COL24A1: variants seen among roughly 807,000 people sequenced by gnomAD.
COL24A1 encodes collagen alpha-1(XXIV) chain.
COL24A1 carries 224 observed loss-of-function variants against 253.9 expected under a neutral mutation model. The ratio of observed to expected loss-of-function variants is 0.88; its 90% CI spans 0.79 to 0.99. The LOEUF (loss-of-function observed/expected upper bound fraction) is 0.99. COL24A1 is among the 50% of genes least tolerant of loss of function. The pLI is 0.00. For missense variants in COL24A1, 2,131 were observed against 2,068.5 expected, an observed-to-expected ratio of 1.03 and a Z score of -0.59; for synonymous variants, 685 against 673.7, an observed-to-expected ratio of 1.02 and a Z score of -0.26.
chr1:85,962,142 A>G (rs1346192960), intron 23 of COL24A1, among the ~76,000 whole-genome samples: 2 of 152,150 alleles, frequency 1.3e-5, no homozygotes, highest in Non-Finnish European at 2.9e-5. Flanking sequence ...GGGATGTTCT[A>G]TTTGCTCAAA....
At chr1:86,149,488 T>C (rs1178735615) in intron 1 of COL24A1, among the ~76,000 whole-genome samples, 2 of 152,204 alleles carry the variant, frequency 1.3e-5, no homozygotes, top group African/African-American at 4.8e-5. Flanking sequence ...TACTTAGGAT[T>C]ACAGTCAATG....
intron 5 of COL24A1, among the ~76,000 whole-genome samples, chr1:86,092,954 A>G (rs1253164248): frequency 6.6e-6 from 1 of 152,040 alleles, no homozygotes; most frequent in African/African-American, 2.4e-5. Context: ...AAATATTTTT[A>G]TGATGCATAG....
At chr1:85,840,515 A>G (rs1676488949) in intron 42 of COL24A1, among the ~76,000 whole-genome samples, 1 of 152,142 alleles carries the variant, frequency 6.6e-6, no homozygotes, top group African/African-American at 2.4e-5. Flanking sequence ...GTGCCTTAAG[A>G]TTGTTTTACT....
rs1700197173 is a variant in COL24A1 at position 86,050,140 on chromosome 1, C to T, written c.1889G>A (p.Gly630Glu). 1.2e-6 allele frequency: 2 copies of T among 1,613,308 alleles called. No homozygotes were observed. Among genetic ancestry groups the T allele is most frequent in the South Asian group, 1.1e-5 (1 of 91,026 alleles). The change falls in exon 11 of 60, where the codon GGA (glycine) becomes GAA (glutamate). Residue 630 changes from glycine to glutamate, a missense_variant. Transcript: ENST00000370571. ...IGSPGEAGQL[G>E]PEGERGIPGI... ...TGGACTTACCCGTTCTCCTTCAGGT[C>T]CCAGTTGTCCCGCTTCTCCAGGAGA...
rs760098251 is a variant in COL24A1, at chr1:86,017,219, G to C, written c.2257-15C>G. The stretch of plus-strand genomic sequence containing the variant: ...CCTGTTTGGCCCTAAAATGGGGGGG[G>C]AGGATCAAAGTATAAACATAAACTT... On this transcript the variant is annotated splice_polypyrimidine_tract_variant and intron_variant, in intron 18 of 59. Coordinates refer to ENST00000370571, the MANE Select transcript of COL24A1 (RefSeq NM_152890.7). 1 of 1,551,242 alleles carries C rather than the reference G, an allele frequency of 6.4e-7. No individual in the cohort carries two copies. Among genetic ancestry groups the C allele is most frequent in the African/African-American group, 1.4e-5 (1 of 69,466 alleles).
At chr1:85,896,619 C>G (rs1282709984) in intron 28 of COL24A1, among the ~76,000 whole-genome samples, 1 of 152,016 alleles carries the variant, frequency 6.6e-6, no homozygotes, top group Non-Finnish European at 1.5e-5. Flanking sequence ...CTCAGCCTCC[C>G]CCTGAGTAGC....
chr1:85,884,697 G>T (rs1014190165), intron 32 of COL24A1, among the ~76,000 whole-genome samples: 1 of 152,144 alleles, frequency 6.6e-6, no homozygotes, highest in Non-Finnish European at 1.5e-5. Context: ...TTTCCCAAAG[G>T]TCAGTTAGTC....
intron 20 of COL24A1, among the ~76,000 whole-genome samples, chr1:85,978,129 A>T (rs1335039701): frequency 6.6e-6 from 1 of 152,208 alleles, no homozygotes; most frequent in Non-Finnish European, 1.5e-5. Context: ...CAGCAAAATT[A>T]AGCTTCATAA....
chr1:85,838,509 T>A, intron 43 of COL24A1, 76 bp downstream of exon 43: 1 of 1,299,698 alleles, frequency 7.7e-7, no homozygotes, highest in Admixed American at 1.7e-5. Context: ...ATCTCAATAA[T>A]GGAATGGAAA....
chr1:86,041,494 G>A (rs1231630878), intron 12 of COL24A1, among the ~76,000 whole-genome samples: 2 of 152,066 alleles, frequency 1.3e-5, no homozygotes, highest in Admixed American at 6.6e-5. Context: ...CAAGCTGAGA[G>A]CTCTGTAAAT....
At chr1:86,033,775 T>G in intron 13 of COL24A1, 95 bp downstream of exon 13, 2 of 1,127,638 alleles carry the variant, frequency 1.8e-6, no homozygotes. Context: ...TCCAATAGTG[T>G]TTATTCACAA....
chr1:85,925,464 C>T (rs1369798999), intron 24 of COL24A1, among the ~76,000 whole-genome samples: 3 of 152,072 alleles, frequency 2.0e-5, no homozygotes, highest in African/African-American at 7.3e-5. Context: ...GGTACTGTTA[C>T]CAAAACAGAG....
chr1:85,742,055 G>A (rs1282847151), intron 57 of COL24A1, among the ~76,000 whole-genome samples: 1 of 151,640 alleles, frequency 6.6e-6, no homozygotes, highest in Non-Finnish European at 1.5e-5. Flanking sequence ...TCTTAGTTTT[G>A]TTTGCTAGTT....
chr1:85,818,737 T>C (rs895419452), intron 45 of COL24A1, among the ~76,000 whole-genome samples: 4 of 152,222 alleles, frequency 2.6e-5, no homozygotes, highest in Admixed American at 6.5e-5. Context: ...TCTGATGACA[T>C]TCTAAAAGTA....
intron 8 of COL24A1, among the ~76,000 whole-genome samples, chr1:86,060,203 ACT>A (rs1158529560): frequency 2.6e-5 from 4 of 151,928 alleles, no homozygotes; most frequent in African/African-American, 9.7e-5. Flanking sequence ...TTTAAAAAAG[ACT>A]CTTTTTCATT....
Position 85,744,719 on chromosome 1 carries a change from T to G in COL24A1, c.4619A>C (p.Asn1540Thr). The G allele has an allele frequency of 6.2e-7, 1 of 1,609,802 alleles. No homozygotes were observed. Among genetic ancestry groups the G allele is most frequent in the East Asian group, 2.2e-5 (1 of 44,816 alleles). ...SIKNPLGTRD[N>T]PARICKDLLN... The stretch of plus-strand genomic sequence containing the variant: ...TAAATCTTTGCAGATTCGTGCTGGG[T>G]TATCTCGTGTGCCAAGAGGATTCTT... Residue 1540 changes from asparagine (N) to threonine (T), a missense_variant, in exon 57 of 60, where the codon AAC becomes ACC. Transcript: ENST00000370571.
chr1:86,018,132 G>C (rs747280367), intron 18 of COL24A1, among the ~76,000 whole-genome samples: 1 of 152,162 alleles, frequency 6.6e-6, no homozygotes, highest in Non-Finnish European at 1.5e-5. Flanking sequence ...CATTATTTCT[G>C]TCATATTAAG....
At chr1:86,038,443 C>T (rs1442287023) in intron 12 of COL24A1, among the ~76,000 whole-genome samples, 1 of 152,060 alleles carries the variant, frequency 6.6e-6, no homozygotes, top group African/African-American at 2.4e-5. Context: ...ACTTAAAAAC[C>T]TTCATGGCAT....
intron 7 of COL24A1, among the ~76,000 whole-genome samples, chr1:86,067,191 G>A (rs553983361): frequency 1.8e-4 from 27 of 152,052 alleles, no homozygotes; most frequent in African/African-American, 5.3e-4. Flanking sequence ...GACATAGGAA[G>A]GAAGAATTCA....
Sources: allele counts gnomAD v4.1 joint callset (sites outside exome capture counted in the v4.1 genomes callset), GRCh38; gene constraint gnomAD v4.1.1; transcripts MANE v1.5; gene names NCBI Gene and HGNC (gene_info 2026-07-23, HGNC 2026-07-21).